Variants in DCAF5 observed in about 807,000 individuals in gnomAD.
DCAF5 encodes the protein DDB1- and CUL4-associated factor 5.
Under a neutral mutation model 80.7 loss-of-function variants are expected in DCAF5, and 9 were observed. The observed-to-expected ratio is 0.11, with a 90% CI of 0.07 to 0.19. The LOEUF (loss-of-function observed/expected upper bound fraction) is 0.19. Ranked by LOEUF, DCAF5 falls within the 10% of genes least tolerant of loss-of-function variation. The probability of loss-of-function intolerance (pLI) is 1.00; values close to 1 mark genes in which losing one functional copy is unlikely to be tolerated. For synonymous variants in DCAF5, 433 were observed against 461.9 expected (o/e 0.94, Z 0.80); for missense variants, 842 against 1,205.7 (o/e 0.70, Z 4.47).
intron 5 of DCAF5, among the ~76,000 whole-genome samples, chr14:69,111,241 G>T (rs2040354579): frequency 6.6e-6 from 1 of 152,202 alleles, no homozygotes; most frequent in East Asian, 1.9e-4. Context: ...CTCTATAGAA[G>T]TAGGATTGGC....
At chr14:69,107,356 C>T (rs568500747) in intron 5 of DCAF5, among the ~76,000 whole-genome samples, 14 of 152,344 alleles carry the variant, frequency 9.2e-5, no homozygotes, top group African/African-American at 2.6e-4. Flanking sequence ...TTAACCACTG[C>T]TTCCATCTTG....
chr14:69,067,705 C>T (rs2038514485), intron 7 of DCAF5, among the ~76,000 whole-genome samples: 1 of 151,154 alleles, frequency 6.6e-6, no homozygotes, highest in South Asian at 2.1e-4. Context: ...GGCGTGATCT[C>T]GGCTCACTGC....
chr14:69,098,642 G>A (rs2039821108), intron 5 of DCAF5, among the ~76,000 whole-genome samples: 1 of 151,526 alleles, frequency 6.6e-6, no homozygotes, highest in Non-Finnish European at 1.5e-5. Flanking sequence ...CCAGCACTTT[G>A]GGAGGCCGAG....
At chr14:69,111,772 T>C (rs557122973) in intron 5 of DCAF5, among the ~76,000 whole-genome samples, 1 of 152,294 alleles carries the variant, frequency 6.6e-6, no homozygotes, top group Non-Finnish European at 1.5e-5. Context: ...CTAAATGAAA[T>C]AAATGAAACC....
At chr14:69,091,134 G>T (rs752437362) in intron 6 of DCAF5, 1 of 752,274 alleles carries the variant, frequency 1.3e-6, no homozygotes, top group South Asian at 1.4e-5. Context: ...CACAGCTTGG[G>T]CTCTCCATTT....
intron 1 of DCAF5, chr14:69,143,792 C>T (rs766367860): frequency 1.1e-4 from 16 of 152,006 alleles, no homozygotes; most frequent in East Asian, 1.9e-4. Context: ...TATAAAGTAA[C>T]GGATCATGGT....
At chr14:69,076,521 A>T (rs2038904760) in intron 6 of DCAF5, among the ~76,000 whole-genome samples, 1 of 152,238 alleles carries the variant, frequency 6.6e-6, no homozygotes, top group Non-Finnish European at 1.5e-5. Flanking sequence ...TACTAAATGA[A>T]ATAAGGCAGA....
At chr14:69,112,985 C>T (rs1398888091) in intron 5 of DCAF5, among the ~76,000 whole-genome samples, 1 of 152,086 alleles carries the variant, frequency 6.6e-6, no homozygotes, top group Non-Finnish European at 1.5e-5. Context: ...ATGAGGAAGT[C>T]TGATCATATT....
upstream of DCAF5, chr14:69,153,180 G>GCTCCTCCCTCTGCCTCTCCGC: frequency 2.4e-6 from 1 of 424,936 alleles, no homozygotes; most frequent in Non-Finnish European, 4.1e-6. Context: ...TCCCCCCGAG[G>GCTCCTCCCTCTGCCTCTCCGC]CTCCTCCCTC....
intron 1 of DCAF5, among the ~76,000 whole-genome samples, chr14:69,127,804 T>C (rs1365929907): frequency 6.6e-6 from 1 of 152,166 alleles, no homozygotes; most frequent in Non-Finnish European, 1.5e-5. Flanking sequence ...AACCTGAAAC[T>C]TCTCTAAAAC....
At chr14:69,151,860 G>A (rs1244738316) in intron 1 of DCAF5, among the ~76,000 whole-genome samples, 1 of 152,138 alleles carries the variant, frequency 6.6e-6, no homozygotes, top group Non-Finnish European at 1.5e-5. Context: ...CGCCCGGCCG[G>A]AGCCCCGGCC....
chr14:69,125,655 C>T (rs999159835), intron 1 of DCAF5, among the ~76,000 whole-genome samples: 1 of 152,082 alleles, frequency 6.6e-6, no homozygotes, highest in East Asian at 1.9e-4. Context: ...CTATATACAA[C>T]ATAAATATCT....
At chr14:69,072,288 T>C (rs561281803) in intron 7 of DCAF5, among the ~76,000 whole-genome samples, 155 of 152,304 alleles carry the variant, frequency 1.0e-3, no homozygotes, top group African/African-American at 2.7e-3. Context: ...AAAGGGACTA[T>C]TGTGCTTTTA....
chr14:69,137,135 T>C (rs1405817317), intron 1 of DCAF5, among the ~76,000 whole-genome samples: 1 of 152,214 alleles, frequency 6.6e-6, no homozygotes, highest in African/African-American at 2.4e-5. Flanking sequence ...GTAAGTACCA[T>C]ATGCTGATGA....
intron 5 of DCAF5, among the ~76,000 whole-genome samples, chr14:69,104,332 T>A (rs548742759): frequency 2.6e-5 from 4 of 152,296 alleles, no homozygotes; most frequent in African/African-American, 9.6e-5. Context: ...TAGGCATTTT[T>A]AATTTCTTTA....
intron 1 of DCAF5, among the ~76,000 whole-genome samples, chr14:69,127,524 G>A (rs2040914715): frequency 6.6e-6 from 1 of 152,122 alleles, no homozygotes; most frequent in Non-Finnish European, 1.5e-5. Flanking sequence ...GATTTTTAGG[G>A]CAGTAAAAAT....
At chr14:69,095,552 C>A (rs1161793979) in intron 5 of DCAF5, among the ~76,000 whole-genome samples, 4 of 151,304 alleles carry the variant, frequency 2.6e-5, no homozygotes, top group Non-Finnish European at 4.4e-5. Context: ...TTTTTAAGTA[C>A]ACACACACAC....
At chr14:69,085,210 G>A in intron 6 of DCAF5, 1 of 717,740 alleles carries the variant, frequency 1.4e-6, no homozygotes, top group Non-Finnish European at 2.6e-6. Flanking sequence ...TCAAGTTGCT[G>A]TCATTGGTTT....
At chr14:69,102,008 C>A (rs1325904923) in intron 5 of DCAF5, among the ~76,000 whole-genome samples, 1 of 151,968 alleles carries the variant, frequency 6.6e-6, no homozygotes, top group East Asian at 1.9e-4. Context: ...CATTACTGTA[C>A]ACTACCACCA....
Sources: gnomAD v4.1 joint callset for allele counts (sites outside exome capture counted in the v4.1 genomes callset) on GRCh38, gnomAD v4.1.1 for gene constraint, MANE v1.5 for transcripts, NCBI Gene and HGNC (gene_info 2026-07-23, HGNC 2026-07-21) for gene names.